ENPP2: variants seen among roughly 807,000 people sequenced by gnomAD.
The protein encoded by ENPP2 is ectonucleotide pyrophosphatase/phosphodiesterase 2.
Under a neutral mutation model 120.2 loss-of-function variants are expected in ENPP2, and 51 were observed. That is an observed-to-expected ratio of 0.42 (90% CI 0.34 to 0.54). The LOEUF (loss-of-function observed/expected upper bound fraction) is 0.54, where lower values mean the gene tolerates loss of function less well. ENPP2 is among the 20% of genes least tolerant of loss of function. ENPP2 has a pLI of 0.04. For synonymous variants in ENPP2, 365 were observed against 366.4 expected (o/e 1.00, Z 0.04); for missense variants, 920 against 1,066.5 (o/e 0.86, Z 1.91).
intron 22 of ENPP2, among the ~76,000 whole-genome samples, chr8:119,567,696 A>T (rs540005255): frequency 2.0e-5 from 3 of 152,356 alleles, no homozygotes; most frequent in Middle Eastern, 3.4e-3. Context: ...TTATCACCCC[A>T]AGAGGAAGAG....
intron 1 of ENPP2, chr8:119,673,121 C>T (rs1252876700): frequency 2.7e-6 from 2 of 747,968 alleles, no homozygotes; most frequent in Non-Finnish European, 4.5e-6. Flanking sequence ...TGCACGGGAA[C>T]ACAGCCCAAC....
intron 11 of ENPP2, 71 bp downstream of exon 11, chr8:119,600,607 C>T (rs1469758693): frequency 1.1e-6 from 1 of 947,904 alleles, no homozygotes; most frequent in Admixed American, 1.9e-5. Context: ...TATACAATTC[C>T]TGAAATAAAG....
intron 4 of ENPP2, among the ~76,000 whole-genome samples, 167 bp from the exon 5 acceptor site, chr8:119,619,471 A>G (rs550482823): frequency 1.3e-5 from 2 of 152,252 alleles, no homozygotes; most frequent in East Asian, 3.9e-4. Flanking sequence ...TGGCTTATAA[A>G]GTACACCCAT....
chr8:119,629,062 G>A (rs1490490390), intron 2 of ENPP2, among the ~76,000 whole-genome samples: 7 of 151,930 alleles, frequency 4.6e-5, no homozygotes, highest in African/African-American at 1.5e-4. Context: ...GTGCGTGTGG[G>A]TATGTATATT....
chr8:119,571,940 C>T (rs953665413), intron 19 of ENPP2: 3 of 405,048 alleles, frequency 7.4e-6, no homozygotes, highest in African/African-American at 2.0e-5. Context: ...ACAAAGCGGC[C>T]CACACTATTA....
chr8:119,657,835 G>C (rs1231052089), intron 1 of ENPP2, among the ~76,000 whole-genome samples: 1 of 152,184 alleles, frequency 6.6e-6, no homozygotes, highest in East Asian at 1.9e-4. Context: ...AGAGTGTGTG[G>C]ACTCTTGCTG....
intron 3 of ENPP2, 84 bp from the exon 4 acceptor site, chr8:119,621,603 A>C: frequency 6.9e-7 from 1 of 1,442,798 alleles, no homozygotes; most frequent in Non-Finnish European, 9.6e-7. Flanking sequence ...ATTTCCAATG[A>C]AGAAAGCTAA....
chr8:119,566,808 T>C (rs1814487917), intron 22 of ENPP2, among the ~76,000 whole-genome samples: 2 of 152,250 alleles, frequency 1.3e-5, no homozygotes, highest in Non-Finnish European at 2.9e-5. Context: ...TTCTATGTAA[T>C]ATTGTGATAA....
chr8:119,576,963 C>G (rs1019723593), intron 19 of ENPP2, among the ~76,000 whole-genome samples: 1 of 152,144 alleles, frequency 6.6e-6, no homozygotes, highest in Non-Finnish European at 1.5e-5. Context: ...ATATTTATAG[C>G]AAAATATTGC....
chr8:119,607,671 T>A (rs1814816197), intron 9 of ENPP2, among the ~76,000 whole-genome samples: 1 of 138,298 alleles, frequency 7.2e-6, no homozygotes, highest in Admixed American at 7.4e-5. Context: ...CAAGACTCCA[T>A]CTCAAAAAAA....
At chr8:119,570,220 G>A (rs1020190622) in intron 20 of ENPP2, among the ~76,000 whole-genome samples, 4 of 144,108 alleles carry the variant, frequency 2.8e-5, no homozygotes, top group Non-Finnish European at 6.0e-5. Context: ...AGTGAGCTGA[G>A]ATCATGCCAC....
intron 8 of ENPP2, among the ~76,000 whole-genome samples, chr8:119,614,451 A>G (rs1214013731): frequency 1.3e-5 from 2 of 152,130 alleles, no homozygotes; most frequent in African/African-American, 2.4e-5. Flanking sequence ...CAGCATGAGG[A>G]GAGTACTAAA....
chr8:119,593,525 T>C (rs1813683341), intron 12 of ENPP2, among the ~76,000 whole-genome samples: 1 of 152,108 alleles, frequency 6.6e-6, no homozygotes, highest in East Asian at 1.9e-4. Flanking sequence ...TTCCTGCAAA[T>C]AACAGAAATA....
At chr8:119,627,238 A>G (rs1816343598) in intron 2 of ENPP2, among the ~76,000 whole-genome samples, 1 of 152,186 alleles carries the variant, frequency 6.6e-6, no homozygotes, top group Admixed American at 6.5e-5. Flanking sequence ...GGAATAGAAG[A>G]CTTTTACAGT....
rs1814601240 is a variant in ENPP2 at position 119,605,023 on chromosome 8, T to C, written c.833+2899A>G. 2.0e-5 allele frequency among the ~76,000 whole-genome samples: 3 copies of C among 152,166 alleles called. No individual in the cohort carries two copies. The South Asian group carries it at 6.2e-4, about 31-fold the overall frequency. On this transcript the variant is annotated intron_variant, in intron 9 of 24. Coordinates refer to ENST00000075322, the MANE Select transcript of ENPP2 (RefSeq NM_001040092.3). ...CTCCTGACCTTGTGATCCACCCACC[T>C]TGGCCTCCCAAAGTGCTGGGATTAC...
chr8:119,558,751 G>A (rs1282905591), intron 24 of ENPP2, among the ~76,000 whole-genome samples: 1 of 152,074 alleles, frequency 6.6e-6, no homozygotes, highest in African/African-American at 2.4e-5. Flanking sequence ...ATTCACAAAT[G>A]CCTCTGGAAT....
intron 19 of ENPP2, among the ~76,000 whole-genome samples, chr8:119,574,867 C>G (rs1244493715): frequency 6.6e-6 from 1 of 152,194 alleles, no homozygotes; most frequent in East Asian, 1.9e-4. Context: ...TCAACCTCCT[C>G]TGAGATTTGA....
intron 22 of ENPP2, among the ~76,000 whole-genome samples, chr8:119,567,555 A>G (rs1214702655): frequency 1.3e-5 from 2 of 152,200 alleles, no homozygotes; most frequent in Non-Finnish European, 2.9e-5. Flanking sequence ...TGTCAGGTAC[A>G]AAGAAATTAC....
intron 2 of ENPP2, among the ~76,000 whole-genome samples, chr8:119,634,903 AAG>A (rs1816906306): frequency 6.6e-6 from 1 of 152,140 alleles, no homozygotes; most frequent in African/African-American, 2.4e-5. Context: ...CCATTTAACA[AAG>A]AACTGAAAAA....
Sources: gnomAD v4.1 joint callset for allele counts (sites outside exome capture counted in the v4.1 genomes callset) on GRCh38, gnomAD v4.1.1 for gene constraint, MANE v1.5 for transcripts, NCBI Gene and HGNC (gene_info 2026-07-23, HGNC 2026-07-21) for gene names.